Variants in NSMCE2 observed in about 807,000 individuals in gnomAD.
The protein encoded by NSMCE2 is NSE2 SUMO ligase component of SMC5/6 complex, also known as E3 SUMO-protein ligase NSE2.
In NSMCE2, 24 loss-of-function variants were observed where a neutral mutation model predicts 23.8. The observed-to-expected ratio is 1.01, with a 90% CI of 0.73 to 1.42. The LOEUF (loss-of-function observed/expected upper bound fraction) is 1.42. Among genes scored for constraint, NSMCE2 ranks in the 40% most tolerant of loss-of-function variants. The probability of loss-of-function intolerance (pLI) is 0.00; values close to 1 mark genes in which losing one functional copy is unlikely to be tolerated. For synonymous variants in NSMCE2, 92 were observed against 94.1 expected (o/e 0.98, Z 0.13); for missense variants, 284 against 296.5 (o/e 0.96, Z 0.31).
intron 5 of NSMCE2, among the ~76,000 whole-genome samples, chr8:125,277,994 A>C (rs901480835): frequency 2.6e-5 from 4 of 152,178 alleles, no homozygotes; most frequent in South Asian, 2.1e-4. Flanking sequence ...AATATGTTAG[A>C]TATGGTATCA....
intron 5 of NSMCE2, among the ~76,000 whole-genome samples, chr8:125,190,072 C>G (rs1197084352): frequency 6.6e-6 from 1 of 152,102 alleles, no homozygotes; most frequent in African/African-American, 2.4e-5. Flanking sequence ...ATGTCACAAC[C>G]AAGATGGACT....
intron 3 of NSMCE2, among the ~76,000 whole-genome samples, chr8:125,141,216 G>A (rs750977629): frequency 3.9e-5 from 6 of 152,076 alleles, no homozygotes; most frequent in Non-Finnish European, 7.4e-5. Context: ...CAAAGATGTC[G>A]TGGTCTCCAT....
chr8:125,311,817 G>A (rs1383057691), intron 5 of NSMCE2, among the ~76,000 whole-genome samples: 6 of 152,110 alleles, frequency 3.9e-5, no homozygotes, highest in Non-Finnish European at 8.8e-5. Flanking sequence ...GGTGGCTCAC[G>A]CCTGTAATCC....
intron 3 of NSMCE2, among the ~76,000 whole-genome samples, chr8:125,104,196 G>A (rs1338553037): frequency 6.6e-6 from 1 of 152,074 alleles, no homozygotes; most frequent in Non-Finnish European, 1.5e-5. Flanking sequence ...CTTCATGTTG[G>A]TCAGGCTGGT....
chr8:125,201,742 C>T (rs1386777217), intron 5 of NSMCE2, among the ~76,000 whole-genome samples: 31 of 152,196 alleles, frequency 2.0e-4, no homozygotes, highest in Admixed American at 2.0e-3. Context: ...CAGACAGGGA[C>T]GTTTAAGTCT....
chr8:125,095,439 A>G (rs1339446979), intron 1 of NSMCE2, among the ~76,000 whole-genome samples: 1 of 151,834 alleles, frequency 6.6e-6, no homozygotes, highest in East Asian at 2.0e-4. Flanking sequence ...AAAATTAAAA[A>G]AGAAAAATTG....
chr8:125,108,221 C>A (rs192896924), intron 3 of NSMCE2, among the ~76,000 whole-genome samples: 5 of 152,272 alleles, frequency 3.3e-5, no homozygotes, highest in Non-Finnish European at 7.3e-5. Flanking sequence ...GAGAAGTCCT[C>A]TGCAGAGAGA....
intron 3 of NSMCE2, among the ~76,000 whole-genome samples, chr8:125,142,282 A>G (rs1222261814): frequency 3.3e-5 from 5 of 152,190 alleles, no homozygotes; most frequent in Non-Finnish European, 7.3e-5. Flanking sequence ...TTATATATAA[A>G]AGGAAATTGA....
At chr8:125,229,688 C>T (rs1825242546) in intron 5 of NSMCE2, among the ~76,000 whole-genome samples, 1 of 152,142 alleles carries the variant, frequency 6.6e-6, no homozygotes, top group East Asian at 1.9e-4. Context: ...TTCCCCAGTT[C>T]TACTTTGTGT....
chr8:125,250,868 G>T (rs1274206900), intron 5 of NSMCE2, among the ~76,000 whole-genome samples: 2 of 152,048 alleles, frequency 1.3e-5, no homozygotes, highest in Non-Finnish European at 2.9e-5. Context: ...CTTTACGCAG[G>T]AAGATTTATG....
chr8:125,127,508 A>G (rs1269656229), intron 3 of NSMCE2, among the ~76,000 whole-genome samples: 2 of 152,226 alleles, frequency 1.3e-5, no homozygotes, highest in African/African-American at 4.8e-5. Context: ...AGACTAAAAT[A>G]GGCGTTTAAA....
chr8:125,182,177 C>A lies in NSMCE2; in HGVS notation c.339C>A (p.Ser113Arg). 6.2e-7 allele frequency: 1 copy of A among 1,605,406 alleles called. No individual in the cohort carries two copies. The change falls in exon 5 of 8, where the codon AGC becomes AGA. Residue 113 changes from serine (S) to arginine (R), a missense_variant. Coordinates refer to ENST00000287437, the MANE Select transcript of NSMCE2 (RefSeq NM_173685.4). The stretch of plus-strand genomic sequence containing the variant: ...AGAAGAAATTTTTGGCTTTACAGAG[C>A]AAGAATTCTGATGCAGACTTTCAAA... ...LVEKKFLALQ[S>R]KNSDADFQNN...
intron 3 of NSMCE2, among the ~76,000 whole-genome samples, chr8:125,131,478 A>G (rs1342822751): frequency 6.6e-6 from 1 of 152,206 alleles, no homozygotes; most frequent in East Asian, 1.9e-4. Context: ...AGAATGAGGC[A>G]GATCTCAAAT....
intron 4 of NSMCE2, among the ~76,000 whole-genome samples, chr8:125,166,636 T>C (rs943219110): frequency 4.6e-5 from 7 of 152,190 alleles, no homozygotes; most frequent in African/African-American, 1.4e-4. Context: ...TTTTCCTGTC[T>C]TTCTGGTGAA....
chr8:125,176,080 C>G (rs529778774), intron 4 of NSMCE2, among the ~76,000 whole-genome samples: 3 of 152,254 alleles, frequency 2.0e-5, no homozygotes, highest in Non-Finnish European at 4.4e-5. Flanking sequence ...TTACATGTAG[C>G]TAAGTATTCA....
intron 5 of NSMCE2, among the ~76,000 whole-genome samples, chr8:125,341,914 A>C (rs868654630): frequency 1.1e-4 from 16 of 151,802 alleles, no homozygotes; most frequent in Middle Eastern, 3.4e-3. Context: ...AAAAAAAAAA[A>C]AAAAAAAACC....
At chr8:125,272,565 G>A (rs559764885) in intron 5 of NSMCE2, among the ~76,000 whole-genome samples, 2 of 151,350 alleles carry the variant, frequency 1.3e-5, no homozygotes, top group East Asian at 1.9e-4. Context: ...CATCATTTCC[G>A]CTAACAGACC....
chr8:125,325,983 C>T (rs772035623), intron 5 of NSMCE2, among the ~76,000 whole-genome samples: 3 of 150,168 alleles, frequency 2.0e-5, no homozygotes, highest in African/African-American at 4.9e-5. Context: ...AATACCCGGG[C>T]GCGGTGGCTC....
At chr8:125,231,015 G>C (rs1031040029) in intron 5 of NSMCE2, among the ~76,000 whole-genome samples, 1 of 152,000 alleles carries the variant, frequency 6.6e-6, no homozygotes, top group Non-Finnish European at 1.5e-5. Flanking sequence ...ATAGATTGGT[G>C]GTTGATTAAA....
Sources: gnomAD v4.1 joint callset for allele counts (sites outside exome capture counted in the v4.1 genomes callset) on GRCh38, gnomAD v4.1.1 for gene constraint, MANE v1.5 for transcripts, NCBI Gene and HGNC (gene_info 2026-07-23, HGNC 2026-07-21) for gene names.